The following CD300LF variants were observed in gnomAD, a reference collection of about 807,000 sequenced individuals.
CD300LF encodes the protein CD300 molecule like family member f.
CD300LF carries 27 observed loss-of-function variants against 32.2 expected under a neutral mutation model. The ratio of observed to expected loss-of-function variants is 0.84; its 90% CI spans 0.62 to 1.15. The LOEUF is 1.15. Ranked by LOEUF, CD300LF falls within the 50% of genes most tolerant of loss-of-function variation. The pLI, the probability that CD300LF is intolerant of heterozygous loss-of-function variation, is 0.00. For synonymous variants in CD300LF, 139 were observed against 143.2 expected (o/e 0.97, Z 0.21); for missense variants, 348 against 356.8 (o/e 0.98, Z 0.20).
chr17:74,698,808 C>T (rs57078316), intron 3 of CD300LF, among the ~76,000 whole-genome samples: 18,458 of 152,200 alleles, frequency 0.12, 2,321 homozygotes, highest in African/African-American at 0.31. Context: ...CACAAAACCC[C>T]GGTGACGTGC....
At chr17:74,695,334 TG>T in intron 6 of CD300LF, 83 bp from the exon 7 acceptor site, 2 of 1,531,426 alleles carry the variant, frequency 1.3e-6, no homozygotes, top group Non-Finnish European at 1.8e-6. Flanking sequence ...AGGAGGATAG[TG>T]GGGATGGACC....
At chr17:74,712,543 CCT>C (rs1352028870) in intron 1 of CD300LF, among the ~76,000 whole-genome samples, 1 of 152,254 alleles carries the variant, frequency 6.6e-6, no homozygotes, top group Non-Finnish European at 1.5e-5. Context: ...CCATGTTCCT[CCT>C]CTGCTTTTCC....
In CD300LF at chr17:74,704,439, G is replaced by A. The variant is rs1442422127; in HGVS notation, c.382+39C>T. Reference sequence around the variant, plus strand: ...GGACCTCAGAGACCAGGACAGAGCAGGCCCTGAGAGACACACACATATATA... The same window carrying A: ...GGACCTCAGAGACCAGGACAGAGCAAGCCCTGAGAGACACACACATATATA... On this transcript the variant is annotated intron_variant, in intron 2 of 6. Transcript: ENST00000326165. 5 of 1,409,994 alleles carry A rather than the reference G, an allele frequency of 3.5e-6. No homozygotes were observed. In the South Asian group the frequency reaches 6.3e-5, roughly 18 times the overall value. 87.3% of individuals were successfully genotyped at this position (1,409,994 alleles called of 1,614,324 possible).
Position 74,695,748 on chromosome 17 carries a change from C to T in CD300LF, c.694G>A (p.Val232Met). ...ACCATGGTGACATATTCCACTTCCA[C>T]CTGGTCAACCTGGGCAGAGGAAAGC... ...TKLSSAQVDQ[V>M]EVEYVTMASL... is the part of the protein sequence containing the mutation. Residue 232 changes from valine to methionine, a missense_variant, in exon 6 of 7, where the codon GTG (valine) becomes ATG (methionine). Val to Met is a conservative substitution (Grantham distance 21). Coordinates refer to ENST00000326165, the MANE Select transcript of CD300LF (RefSeq NM_139018.5). 1.4e-5 allele frequency: 22 copies of T among 1,614,172 alleles called. No homozygotes were observed. The highest frequency in any genetic ancestry group is 1.9e-5 in the Non-Finnish European group (22 of 1,180,034).
intron 1 of CD300LF, among the ~76,000 whole-genome samples, chr17:74,709,146 C>A (rs2033768824): frequency 6.6e-6 from 1 of 151,860 alleles, no homozygotes; most frequent in Admixed American, 6.6e-5. Context: ...ATCGCTTAAA[C>A]CCAGGAGGCG....
chr17:74,695,896 C>A (rs1428282544), intron 5 of CD300LF, 37 bp from the exon 6 acceptor site: 1 of 1,600,624 alleles, frequency 6.2e-7, no homozygotes, highest in Admixed American at 1.7e-5. Context: ...GTCACAAGAT[C>A]TGTCTGTGGA....
chr17:74,697,375 CT>C (rs1176952331), intron 4 of CD300LF, among the ~76,000 whole-genome samples: 1 of 152,178 alleles, frequency 6.6e-6, no homozygotes, highest in African/African-American at 2.4e-5. Flanking sequence ...GGGTTTTCCC[CT>C]GGTTTCAAAA....
rs2032254975 is a variant in CD300LF at position 74,694,574 on chromosome 17, C to G, written c.*522G>C. The G allele has an allele frequency of 6.6e-6, 1 of 152,454 alleles. No homozygotes were observed. Among genetic ancestry groups the G allele is most frequent in the South Asian group, 2.1e-4 (1 of 4,824 alleles). 9.4% of individuals were successfully genotyped at this position (152,454 alleles called of 1,614,324 possible). On this transcript the variant is annotated 3_prime_UTR_variant, in exon 7 of 7. Transcript: ENST00000326165. ...CTTCTGGCCTCTTTCTTATGAGGAC[C>G]CTTGTGGTGATATTTTGGGCCCACC...
intron 3 of CD300LF, among the ~76,000 whole-genome samples, chr17:74,700,315 T>G (rs1390080204): frequency 6.6e-6 from 1 of 152,098 alleles, no homozygotes; most frequent in Non-Finnish European, 1.5e-5. Flanking sequence ...CCAGCCTCAC[T>G]TCCTGCTGCT....
intron 1 of CD300LF, among the ~76,000 whole-genome samples, chr17:74,712,568 G>T (rs2034045477): frequency 6.6e-6 from 1 of 152,220 alleles, no homozygotes; most frequent in Non-Finnish European, 1.5e-5. Context: ...GGCCGGCGGG[G>T]CCTACAGTCT....
intron 1 of CD300LF, among the ~76,000 whole-genome samples, chr17:74,711,490 C>T (rs1163149600): frequency 6.6e-6 from 1 of 152,236 alleles, no homozygotes; most frequent in Non-Finnish European, 1.5e-5. Flanking sequence ...ACTCCCTGCT[C>T]TTCCTGTACC....
intron 1 of CD300LF, 53 bp from the exon 2 acceptor site, chr17:74,704,869 C>T: frequency 7.0e-7 from 1 of 1,424,286 alleles, no homozygotes; most frequent in East Asian, 2.3e-5. Context: ...GGCAGGGCCA[C>T]AGCTTTCTGT....
chr17:74,696,185 G>A lies in CD300LF; in HGVS notation c.582+10C>T, dbSNP rs1441294258. On this transcript the variant is annotated intron_variant, in intron 5 of 6. Transcript: ENST00000326165. ...TGGTCTCTCTGGTCCGACCTTGGGG[G>A]CTATCTTACCTGCTCTGGGGACATC... The A allele has an allele frequency of 6.2e-6, 10 of 1,602,512 alleles. No individual in the cohort carries two copies. The highest frequency in any genetic ancestry group is 2.2e-5 in the South Asian group (2 of 89,390).
At chr17:74,699,136 C>G (rs1434456657) in intron 3 of CD300LF, among the ~76,000 whole-genome samples, 1 of 152,126 alleles carries the variant, frequency 6.6e-6, no homozygotes, top group Non-Finnish European at 1.5e-5. Flanking sequence ...CCAGGCTGGT[C>G]TCGAACTCCT....
intron 1 of CD300LF, among the ~76,000 whole-genome samples, chr17:74,706,730 A>G (rs2033552814): frequency 6.6e-6 from 1 of 152,208 alleles, no homozygotes; most frequent in Admixed American, 6.5e-5. Flanking sequence ...CGGCGCGGAC[A>G]GAGGGCCTCA....
intron 1 of CD300LF, among the ~76,000 whole-genome samples, chr17:74,710,967 G>GT (rs2033916275): frequency 1.3e-5 from 2 of 152,050 alleles, no homozygotes; most frequent in African/African-American, 2.4e-5. Context: ...TTGAGCCCAG[G>GT]AGTTGAGGCT....
At chr17:74,700,894 G>A (rs981206105) in intron 3 of CD300LF, among the ~76,000 whole-genome samples, 24 of 152,130 alleles carry the variant, frequency 1.6e-4, no homozygotes, top group African/African-American at 5.8e-4. Context: ...CTTTAAAGAG[G>A]TGATTGAGGT....
chr17:74,696,130 T>C (rs1251054690), intron 5 of CD300LF, 65 bp downstream of exon 5: 5 of 1,555,724 alleles, frequency 3.2e-6, no homozygotes, highest in East Asian at 4.5e-5. Flanking sequence ...TTCTGAGAGA[T>C]GGAAAATGAG....
At chr17:74,697,522 GCTCCC>G (rs1245187237) in intron 4 of CD300LF, among the ~76,000 whole-genome samples, 2 of 152,214 alleles carry the variant, frequency 1.3e-5, no homozygotes. Context: ...AGAGAGTCAG[GCTCCC>G]CTCTTCCCAG....
Sources: allele counts gnomAD v4.1 joint callset (sites outside exome capture counted in the v4.1 genomes callset), GRCh38; gene constraint gnomAD v4.1.1; transcripts MANE v1.5; gene names NCBI Gene and HGNC (gene_info 2026-07-23, HGNC 2026-07-21).